UBAC2: variants seen among roughly 807,000 people sequenced by gnomAD.
UBAC2 encodes UBA domain containing 2, also known as ubiquitin-associated domain-containing protein 2.
UBAC2 carries 26 observed loss-of-function variants against 44.0 expected under a neutral mutation model. That is an observed-to-expected ratio of 0.59 (90% CI 0.43 to 0.82). The LOEUF (loss-of-function observed/expected upper bound fraction) is 0.82, where lower values mean the gene tolerates loss of function less well. Among genes scored for constraint, UBAC2 ranks in the 40% least tolerant of loss-of-function variants. The pLI is 0.00. For synonymous variants in UBAC2, 155 were observed against 154.3 expected, an observed-to-expected ratio of 1.00 and a Z score of -0.04; for missense variants, 329 against 419.4, an observed-to-expected ratio of 0.78 and a Z score of 1.88.
At chr13:99,316,949 T>G (rs1323827816) in intron 5 of UBAC2, among the ~76,000 whole-genome samples, 1 of 152,244 alleles carries the variant, frequency 6.6e-6, no homozygotes, top group Non-Finnish European at 1.5e-5. Context: ...AGAAGAAAAT[T>G]ACAGCAAAAT....
intron 1 of UBAC2, among the ~76,000 whole-genome samples, chr13:99,214,141 C>A (rs1412194285): frequency 2.0e-5 from 3 of 152,036 alleles, no homozygotes; most frequent in African/African-American, 7.2e-5. Context: ...TATTGTAGAG[C>A]CAGGGTTAGA....
chr13:99,200,874 C>A lies in UBAC2; in HGVS notation c.-35C>A. The stretch of plus-strand genomic sequence containing the variant: ...GGCTCGCACTTCAGCTTCCCCTCCC[C>A]CGGCGCCCTCTGGGGCTCCGAGCCC... On this transcript the variant is annotated 5_prime_UTR_variant, in exon 1 of 9. Coordinates refer to ENST00000403766, the MANE Select transcript of UBAC2 (RefSeq NM_001144072.2). 2.3e-6 allele frequency: 3 copies of A among 1,295,510 alleles called. No individual in the cohort carries two copies. The highest frequency in any genetic ancestry group is 3.0e-5 in the East Asian group (1 of 33,768). The allele number at this position is 1,295,510 out of a possible 1,614,324, so 80.3% of individuals were successfully genotyped here. A position where few individuals can be genotyped will look rare whatever the true frequency, so the allele number is the denominator to read the frequency against.
chr13:99,352,244 C>T (rs1360709261), intron 7 of UBAC2, among the ~76,000 whole-genome samples: 2 of 152,192 alleles, frequency 1.3e-5, no homozygotes, highest in South Asian at 2.1e-4. Context: ...GTGTACAGTT[C>T]GGTGGTTTTT....
intron 4 of UBAC2, among the ~76,000 whole-genome samples, chr13:99,284,296 C>T (rs746393700): frequency 3.3e-5 from 5 of 152,194 alleles, no homozygotes; most frequent in Non-Finnish European, 7.3e-5. Context: ...TATGACACTC[C>T]AGTTATTTAG....
At chr13:99,328,402 A>G (rs2044669589) in intron 6 of UBAC2, among the ~76,000 whole-genome samples, 1 of 152,256 alleles carries the variant, frequency 6.6e-6, no homozygotes, top group Non-Finnish European at 1.5e-5. Context: ...TATATTTGAC[A>G]TTAGGAAATA....
chr13:99,316,275 C>G (rs1369890929), intron 5 of UBAC2, among the ~76,000 whole-genome samples: 1 of 151,972 alleles, frequency 6.6e-6, no homozygotes, highest in Non-Finnish European at 1.5e-5. Flanking sequence ...CTGTGCCCAC[C>G]TTGAAGGAGT....
At position 99,295,172 on chromosome 13, in the gene UBAC2, C is replaced by T. The variant is rs1566489287; in HGVS notation, c.390-18925C>T. ...ACTAGAAATCGATACACTGACTTGC[C>T]GTTTCAGCATCCTCATAACCTTTCT... On this transcript the variant is annotated intron_variant, in intron 4 of 8. Transcript: ENST00000403766. This position sits in a 1 kb window ranked among gnomAD's most constrained non-coding sequence, Gnocchi z 4.1. 2.5e-6 allele frequency: 4 copies of T among 1,614,110 alleles called. No homozygotes were observed. Among genetic ancestry groups the T allele is most frequent in the East Asian group, 2.2e-5 (1 of 44,868 alleles).
At chr13:99,370,885 A>G (rs2045396759) in intron 8 of UBAC2, among the ~76,000 whole-genome samples, 1 of 152,248 alleles carries the variant, frequency 6.6e-6, no homozygotes, top group Non-Finnish European at 1.5e-5. Context: ...CCCCATGGAT[A>G]AGAAAAGCCC....
At chr13:99,291,798 A>G (rs1289011062) in intron 4 of UBAC2, among the ~76,000 whole-genome samples, 1 of 152,236 alleles carries the variant, frequency 6.6e-6, no homozygotes, top group Non-Finnish European at 1.5e-5. Context: ...TTGAGAATTA[A>G]GAACTTCACA....
chr13:99,381,994 C>G (rs2045557507), intron 8 of UBAC2, among the ~76,000 whole-genome samples: 2 of 152,152 alleles, frequency 1.3e-5, no homozygotes, highest in Admixed American at 1.3e-4. Flanking sequence ...ATCTCATCAG[C>G]TTATGAGAGA....
intron 6 of UBAC2, among the ~76,000 whole-genome samples, chr13:99,335,417 A>C (rs1205033289): frequency 6.6e-6 from 1 of 150,932 alleles, no homozygotes; most frequent in African/African-American, 2.4e-5. Context: ...GTCTCTCTTC[A>C]TTAAAAATAT....
intron 6 of UBAC2, among the ~76,000 whole-genome samples, chr13:99,330,779 A>G (rs1321626816): frequency 6.6e-6 from 1 of 152,212 alleles, no homozygotes; most frequent in Non-Finnish European, 1.5e-5. Context: ...GGCTGTATCT[A>G]TAAATCCACA....
intron 7 of UBAC2, among the ~76,000 whole-genome samples, chr13:99,360,511 T>C (rs2045250960): frequency 6.6e-6 from 1 of 152,212 alleles, no homozygotes. Context: ...GCCCAGTTAT[T>C]CTGGCTCTAG....
chr13:99,382,265 T>C (rs1219966099), intron 8 of UBAC2, among the ~76,000 whole-genome samples: 7 of 152,176 alleles, frequency 4.6e-5, no homozygotes, highest in Admixed American at 6.5e-5. Flanking sequence ...TGGAAAATGA[T>C]CAGATGGAAT....
intron 6 of UBAC2, among the ~76,000 whole-genome samples, chr13:99,335,543 C>T (rs892198112): frequency 3.3e-5 from 5 of 152,132 alleles, no homozygotes; most frequent in African/African-American, 7.2e-5. Flanking sequence ...TGTGCACAAA[C>T]GGCATAGACT....
At position 99,222,115 on chromosome 13, in the gene UBAC2, G is replaced by T. The variant is rs76682947; in HGVS notation, c.32-16312G>T. Among the ~76,000 whole-genome samples the T allele has an allele frequency of 7.2e-4, 109 of 152,310 alleles. No homozygotes were observed. In the East Asian group the frequency reaches 0.017, roughly 24 times the overall value. The stretch of plus-strand genomic sequence containing the variant: ...TAAGTGGTGGCATTCTGGCTATGGG[G>T]ATATGGCAGTGAGCAAGACAACTAG... On this transcript the variant is annotated intron_variant, in intron 1 of 8. Coordinates refer to ENST00000403766, the MANE Select transcript of UBAC2 (RefSeq NM_001144072.2).
intron 4 of UBAC2, among the ~76,000 whole-genome samples, chr13:99,291,215 G>A (rs2044085513): frequency 6.6e-6 from 1 of 152,198 alleles, no homozygotes; most frequent in Non-Finnish European, 1.5e-5. Flanking sequence ...TAGAGGACTT[G>A]GAAAGTGGCA....
At chr13:99,226,962 G>GC (rs962144070) in intron 1 of UBAC2, among the ~76,000 whole-genome samples, 2 of 152,176 alleles carry the variant, frequency 1.3e-5, no homozygotes, top group African/African-American at 4.8e-5. Context: ...ACTTTGGGAG[G>GC]CCAAGGAGGG....
intron 8 of UBAC2, among the ~76,000 whole-genome samples, chr13:99,371,995 G>A (rs973412782): frequency 1.1e-4 from 16 of 151,856 alleles, no homozygotes; most frequent in African/African-American, 3.6e-4. Flanking sequence ...CCCGTTTTTT[G>A]GTGAGTAAAC....
Sources: allele counts gnomAD v4.1 joint callset (sites outside exome capture counted in the v4.1 genomes callset), GRCh38; gene constraint gnomAD v4.1.1; non-coding constraint Gnocchi (gnomAD v3.1); transcripts MANE v1.5; gene names NCBI Gene and HGNC (gene_info 2026-07-23, HGNC 2026-07-21).